Variants in CAPZB observed in about 807,000 individuals in gnomAD.
CAPZB encodes the protein F-actin-capping protein subunit beta.
A neutral mutation model predicts 38.1 loss-of-function variants in CAPZB; 2 were observed. The ratio of observed to expected loss-of-function variants is 0.05; its 90% confidence interval spans 0.02 to 0.17. The LOEUF (loss-of-function observed/expected upper bound fraction) is 0.17, where lower values mean the gene tolerates loss of function less well. Among genes scored for constraint, CAPZB ranks in the 10% least tolerant of loss-of-function variants. The pLI, the probability that CAPZB is intolerant of heterozygous loss-of-function variation, is 1.00. For missense variants in CAPZB, 161 were observed against 334.2 expected (o/e 0.48, Z 4.04); for synonymous variants, 107 against 127.4 (o/e 0.84, Z 1.08).
chr1:19,390,269 CCAAA>C (rs1359181341), intron 2 of CAPZB, among the ~76,000 whole-genome samples: 8 of 152,184 alleles, frequency 5.3e-5, no homozygotes, highest in Non-Finnish European at 1.0e-4. Context: ...AACGACAGGT[CCAAA>C]CAAAGCCGAG....
At chr1:19,398,095 G>A (rs2100329379) in intron 2 of CAPZB, among the ~76,000 whole-genome samples, 1 of 152,282 alleles carries the variant, frequency 6.6e-6, no homozygotes, top group African/African-American at 2.4e-5. Context: ...GCAACCATGG[G>A]CAATGGCAAC....
chr1:19,354,053 A>C (rs993430984), intron 6 of CAPZB, among the ~76,000 whole-genome samples: 1 of 152,180 alleles, frequency 6.6e-6, no homozygotes, highest in Non-Finnish European at 1.5e-5. Context: ...TAAGACCAAA[A>C]CAGTTGTGGC....
In CAPZB at chr1:19,449,904, G is replaced by T. The variant is rs542116174; in HGVS notation, c.4-30154C>A. On this transcript the variant is annotated intron_variant, in intron 1 of 8. Coordinates refer to ENST00000264202, the MANE Select transcript of CAPZB (RefSeq NM_004930.5). ...GCCTGTTATCCCAGCACTTTGAGGG[G>T]CTGAGTCAGGAGAATCGATTTGAGC... Among the ~76,000 whole-genome samples the T allele has an allele frequency of 7.2e-5, 11 of 151,940 alleles. No individual in the cohort carries two copies. In the South Asian group the frequency reaches 2.3e-3, roughly 32 times the overall value.
intron 2 of CAPZB, among the ~76,000 whole-genome samples, chr1:19,414,674 C>T (rs760195733): frequency 1.3e-5 from 2 of 152,184 alleles, no homozygotes; most frequent in African/African-American, 2.4e-5. Flanking sequence ...AAACAAACTC[C>T]TTCCTCAGCT....
intron 4 of CAPZB, among the ~76,000 whole-genome samples, chr1:19,363,639 G>C (rs1431649673): frequency 1.3e-5 from 2 of 152,136 alleles, no homozygotes; most frequent in African/African-American, 4.8e-5. Context: ...AGCTCCAAAA[G>C]CTTTATGGAG....
At chr1:19,373,725 C>T (rs1024206160) in intron 4 of CAPZB, among the ~76,000 whole-genome samples, 6 of 151,448 alleles carry the variant, frequency 4.0e-5, no homozygotes, top group African/African-American at 1.5e-4. Context: ...AGGACTCACT[C>T]TGTCACCCAG....
rs59789230 is a variant in CAPZB at position 19,416,860 on chromosome 1, C to CAAAAAAAAAAAAAAAAAAAAA, written c.93+2780_93+2800dup. ...TGGGTGACAGAGCAAGACCCTGTCT[C>CAAAAAAAAAAAAAAAAAAAAA]AAAAAAAAAAAAAAAAAAAAAAAAA... On this transcript the variant is annotated intron_variant, in intron 2 of 8. Transcript: ENST00000264202. 2.2e-4 allele frequency among the ~76,000 whole-genome samples: 15 copies of CAAAAAAAAAAAAAAAAAAAAA among 69,442 alleles called. 1 individual carries two copies. The highest frequency in any genetic ancestry group is 8.3e-4 in the African/African-American group (14 of 16,804). The allele number at this position is 69,442 out of a possible 152,430, so 45.6% of individuals were successfully genotyped here. A position where few individuals can be genotyped will look rare whatever the true frequency, so the allele number is the denominator to read the frequency against.
At position 19,339,334 on chromosome 1, in the gene CAPZB, C is replaced by G. The variant is rs956525543; in HGVS notation, c.*196G>C. The G allele has an allele frequency of 6.4e-6, 4 of 628,544 alleles. No homozygotes were observed. The highest frequency in any genetic ancestry group is 1.1e-5 in the Non-Finnish European group (4 of 351,928). The allele number at this position is 628,544 out of a possible 1,614,324, so 38.9% of individuals were successfully genotyped here. On this transcript the variant is annotated 3_prime_UTR_variant, in exon 9 of 9. Coordinates refer to ENST00000264202, the MANE Select transcript of CAPZB (RefSeq NM_004930.5). ...GGAGAGAACTGAGAGCGAGGTGTGG[C>G]AGAAGCAGGCTCGGAGCCGGAGGAG...
chr1:19,439,851 G>A (rs1341665614), intron 1 of CAPZB, among the ~76,000 whole-genome samples: 4 of 152,180 alleles, frequency 2.6e-5, no homozygotes, highest in South Asian at 2.1e-4. Context: ...TCTTATTCCC[G>A]TGAGAGCAAC....
At chr1:19,473,211 G>C (rs1039019720) in intron 1 of CAPZB, among the ~76,000 whole-genome samples, 45 of 152,172 alleles carry the variant, frequency 3.0e-4, no homozygotes, top group Admixed American at 1.3e-4. Context: ...GCCTGCGAGG[G>C]ACAAGTTTTA....
intron 3 of CAPZB, among the ~76,000 whole-genome samples, chr1:19,381,267 CCA>C (rs1377515103): frequency 6.6e-6 from 1 of 151,438 alleles, no homozygotes; most frequent in East Asian, 2.0e-4. Flanking sequence ...CCCCGCCCCC[CCA>C]CCACAACAGA....
At chr1:19,464,064 G>A (rs1242699623) in intron 1 of CAPZB, among the ~76,000 whole-genome samples, 1 of 150,862 alleles carries the variant, frequency 6.6e-6, no homozygotes, top group Admixed American at 6.6e-5. Context: ...GTGCACACCT[G>A]TAATCTCAGC....
At chr1:19,364,431 T>G (rs2094071856) in intron 4 of CAPZB, among the ~76,000 whole-genome samples, 1 of 152,216 alleles carries the variant, frequency 6.6e-6, no homozygotes, top group South Asian at 2.1e-4. Flanking sequence ...TCTGAACAAC[T>G]GAGACAGTTC....
intron 8 of CAPZB, among the ~76,000 whole-genome samples, chr1:19,343,508 A>G (rs1225943598): frequency 6.6e-6 from 1 of 152,190 alleles, no homozygotes; most frequent in Non-Finnish European, 1.5e-5. Context: ...TAGATTCATC[A>G]TCTCAGCCGA....
chr1:19,420,444 T>C (rs1226258447), intron 1 of CAPZB, among the ~76,000 whole-genome samples: 2 of 152,038 alleles, frequency 1.3e-5, no homozygotes, highest in Non-Finnish European at 2.9e-5. Flanking sequence ...AAAGATAGGG[T>C]CTTGCTGTGT....
At chr1:19,416,981 A>T (rs1052891853) in intron 2 of CAPZB, among the ~76,000 whole-genome samples, 2 of 151,764 alleles carry the variant, frequency 1.3e-5, no homozygotes, top group Non-Finnish European at 1.5e-5. Context: ...TCCAAGTACC[A>T]TCCTGCAACT....
intron 2 of CAPZB, among the ~76,000 whole-genome samples, chr1:19,418,165 A>AAAC (rs2094388098): frequency 7.2e-6 from 1 of 138,236 alleles, no homozygotes; most frequent in African/African-American, 2.6e-5. Flanking sequence ...AAAAAAAAAA[A>AAAC]CCACCACACA....
At position 19,370,316 on chromosome 1, in the gene CAPZB, T is replaced by C. The variant is rs118171170; in HGVS notation, c.329+8224A>G. Reference sequence around the variant, plus strand: ...AGGCTCCATAATTCGCTACAAGGACTCACGGAATGTGGCACAAAGTTGCCC... The same window carrying C: ...AGGCTCCATAATTCGCTACAAGGACCCACGGAATGTGGCACAAAGTTGCCC... On this transcript the variant is annotated intron_variant, in intron 4 of 8. Coordinates refer to ENST00000264202, the MANE Select transcript of CAPZB (RefSeq NM_004930.5). Among the ~76,000 whole-genome samples, 448 of 152,328 alleles carry C rather than the reference T, an allele frequency of 2.9e-3. 2 individuals are homozygous for C. Among genetic ancestry groups the C allele is most frequent in the South Asian group, 0.021 (103 of 4,828 alleles).
chr1:19,370,682 G>A (rs927877957), intron 4 of CAPZB, among the ~76,000 whole-genome samples: 1 of 152,160 alleles, frequency 6.6e-6, no homozygotes, highest in Non-Finnish European at 1.5e-5. Flanking sequence ...AGTGGTAAGA[G>A]CCCTCCTGAA....
Sources: gnomAD v4.1 joint callset for allele counts (sites outside exome capture counted in the v4.1 genomes callset) on GRCh38, gnomAD v4.1.1 for gene constraint, MANE v1.5 for transcripts, NCBI Gene and HGNC (gene_info 2026-07-23, HGNC 2026-07-21) for gene names.